Variants in TRIP12 observed in about 807,000 individuals in gnomAD.
TRIP12 encodes thyroid hormone receptor interactor 12, also known as E3 ubiquitin-protein ligase TRIP12.
A neutral mutation model predicts 244.2 loss-of-function variants in TRIP12; 25 were observed. The observed-to-expected ratio is 0.10, with a 90% CI of 0.07 to 0.14. TRIP12 has a LOEUF of 0.14. Ranked by LOEUF, TRIP12 falls within the 10% of genes least tolerant of loss-of-function variation. The probability of loss-of-function intolerance (pLI) is 1.00; values close to 1 mark genes in which losing one functional copy is unlikely to be tolerated. For synonymous variants in TRIP12, 905 were observed against 873.1 expected (o/e 1.04, Z -0.64); for missense variants, 1,677 against 2,486.4 (o/e 0.67, Z 6.92).
intron 33 of TRIP12, 89 bp from the exon 34 acceptor site, chr2:229,785,944 C>G (rs2039871492): frequency 8.3e-7 from 1 of 1,198,254 alleles, no homozygotes; most frequent in Admixed American, 2.5e-5. Flanking sequence ...TGCAAAAGAA[C>G]AAGATCAACT....
At chr2:229,787,714 TAA>T in intron 32 of TRIP12, 53 bp from the exon 33 acceptor site, 1 of 1,328,194 alleles carries the variant, frequency 7.5e-7, no homozygotes, top group Non-Finnish European at 1.0e-6. Flanking sequence ...CAGAAACTAC[TAA>T]AAAAAAAATC....
Position 229,803,709 on chromosome 2 carries a change from GT to G in TRIP12, c.2880-21del. The G allele has an allele frequency of 6.5e-7, 1 of 1,548,098 alleles. No individual in the cohort carries two copies. The highest frequency in any genetic ancestry group is 1.4e-5 in the African/African-American group (1 of 72,520). On this transcript the variant is annotated intron_variant, in intron 19 of 41. Transcript: ENST00000675903. The stretch of plus-strand genomic sequence containing the variant: ...ATGTGACTAAAAAAAGAAAGCATTT[GT>G]ATATAAAACTCTGCCTGAATTTGAT...
chr2:229,769,416 A>T (rs2033278877), intron 39 of TRIP12, 91 bp from the exon 40 acceptor site: 1 of 1,137,846 alleles, frequency 8.8e-7, no homozygotes, highest in Non-Finnish European at 1.3e-6. Flanking sequence ...ATAAAAGAGT[A>T]TCAGTCTCAG....
chr2:229,770,063 T>G (rs1170889714), intron 39 of TRIP12, among the ~76,000 whole-genome samples: 1 of 152,166 alleles, frequency 6.6e-6, no homozygotes, highest in African/African-American at 2.4e-5. Flanking sequence ...CATGATCTCC[T>G]GGGCTCAAGT....
chr2:229,813,370 A>C (rs1052091450), intron 13 of TRIP12, among the ~76,000 whole-genome samples: 1 of 152,242 alleles, frequency 6.6e-6, no homozygotes, highest in Admixed American at 6.5e-5. Flanking sequence ...CATTTGAATA[A>C]ATCTACCAAA....
At chr2:229,772,883 C>A (rs2034933830) in intron 38 of TRIP12, among the ~76,000 whole-genome samples, 1 of 152,112 alleles carries the variant, frequency 6.6e-6, no homozygotes, top group East Asian at 1.9e-4. Flanking sequence ...AAGGTCAGTT[C>A]AAGGGGTAGA....
chr2:229,905,340 C>T (rs1577009404), intron 1 of TRIP12, among the ~76,000 whole-genome samples: 1 of 150,698 alleles, frequency 6.6e-6, no homozygotes, highest in East Asian at 1.9e-4. Flanking sequence ...TAATAGGAGT[C>T]ATTACTAAGT....
intron 24 of TRIP12, among the ~76,000 whole-genome samples, chr2:229,797,244 T>A (rs1402782608): frequency 6.6e-6 from 1 of 151,518 alleles, no homozygotes; most frequent in Non-Finnish European, 1.5e-5. Flanking sequence ...AATAAATAAA[T>A]AAAAATAAAA....
intron 34 of TRIP12, among the ~76,000 whole-genome samples, chr2:229,783,819 A>C (rs1193831336): frequency 6.6e-6 from 1 of 151,640 alleles, no homozygotes; most frequent in Non-Finnish European, 1.5e-5. Flanking sequence ...TTAAAAAAAA[A>C]AAAAAAAAAG....
At chr2:229,814,421 A>T in intron 11 of TRIP12, 96 bp from the exon 12 acceptor site, 1 of 1,154,274 alleles carries the variant, frequency 8.7e-7, no homozygotes, top group Non-Finnish European at 1.3e-6. Flanking sequence ...ATCCATGTAT[A>T]CTATCTCTAA....
Position 229,859,001 on chromosome 2 carries a change from T to C in TRIP12, c.798A>G (p.Gln266=). 1 of 1,614,180 alleles carries C rather than the reference T, an allele frequency of 6.2e-7. No individual in the cohort carries two copies. The highest frequency in any genetic ancestry group is 8.5e-7 in the Non-Finnish European group (1 of 1,180,042). Reference sequence around the variant, plus strand: ...GCCTGGCCTTGTTCTGATCTTTTCCTTGTTTCACTCTGGCACCTGGTGGTA... The same window carrying C: ...GCCTGGCCTTGTTCTGATCTTTTCCCTGTTTCACTCTGGCACCTGGTGGTA... ...STVPPGARVK[Q]GKDQNKARRS... The change falls in exon 4 of 42, where the codon CAA becomes CAG. Residue 266 remains glutamine (Q), a synonymous_variant. Transcript: ENST00000675903.
At chr2:229,872,292 G>A (rs2062792905) in intron 2 of TRIP12, among the ~76,000 whole-genome samples, 1 of 151,206 alleles carries the variant, frequency 6.6e-6, no homozygotes, top group Non-Finnish European at 1.5e-5. Context: ...GTCTGGGTGT[G>A]GTGGCTCATG....
chr2:229,873,663 GTTT>G, intron 2 of TRIP12, among the ~76,000 whole-genome samples: 1 of 152,146 alleles, frequency 6.6e-6, no homozygotes, highest in Admixed American at 6.5e-5. Flanking sequence ...CTTTGAAATA[GTTT>G]TTTTAAGTGA....
intron 26 of TRIP12, among the ~76,000 whole-genome samples, chr2:229,794,359 G>A (rs879538949): frequency 1.3e-5 from 2 of 152,144 alleles, no homozygotes; most frequent in Non-Finnish European, 2.9e-5. Context: ...TTGGGCCCAA[G>A]AGTTTGAGAC....
intron 2 of TRIP12, among the ~76,000 whole-genome samples, chr2:229,873,480 C>T (rs2063049643): frequency 6.6e-6 from 1 of 152,000 alleles, no homozygotes; most frequent in Admixed American, 6.6e-5. Flanking sequence ...AAATGATTAC[C>T]AAAAGATCAC....
chr2:229,767,707 C>T lies in TRIP12; in HGVS notation c.6051G>A (p.Thr2017=), dbSNP rs375574630. The change falls in exon 42 of 42, where the codon ACG becomes ACA. Residue 2017 remains threonine, a synonymous_variant. Coordinates refer to ENST00000675903, the MANE Select transcript of TRIP12 (RefSeq NM_001348323.3). ...CATCTGGGTTTTCTGTTGATTCAAACGTCTTTCGGACAATTGTCAAAGGTG... is the reference window on the plus strand; with the variant it reads ...CATCTGGGTTTTCTGTTGATTCAAATGTCTTTCGGACAATTGTCAAAGGTG... ...LNPPLTIVRK[T]FESTENPDDF... 1.8e-5 allele frequency: 29 copies of T among 1,613,732 alleles called. No individual in the cohort carries two copies. The highest frequency in any genetic ancestry group is 1.6e-4 in the East Asian group (7 of 44,866).
intron 34 of TRIP12, among the ~76,000 whole-genome samples, chr2:229,784,550 T>G (rs986286051): frequency 2.1e-5 from 3 of 145,272 alleles, no homozygotes; most frequent in African/African-American, 7.5e-5. Flanking sequence ...TCATCAAAAC[T>G]GAAAATTTCT....
chr2:229,854,832 T>C (rs2059318152), intron 4 of TRIP12, among the ~76,000 whole-genome samples: 1 of 152,248 alleles, frequency 6.6e-6, no homozygotes, highest in South Asian at 2.1e-4. Context: ...CCTATCATTC[T>C]GTCCTCAAGG....
At position 229,764,363 on chromosome 2, in the gene TRIP12, T is replaced by A. The variant is rs1468531399; in HGVS notation, c.*3191A>T. On this transcript the variant is annotated 3_prime_UTR_variant, in exon 42 of 42. Transcript: ENST00000675903. ...GACATTTCCAAACAATTATTCTCAT[T>A]ACAGCAGGGAAAACAAAATGGATCA... 1 of 152,204 alleles carries A rather than the reference T, an allele frequency of 6.6e-6. No homozygotes were observed. Among genetic ancestry groups the A allele is most frequent in the Non-Finnish European group, 1.5e-5 (1 of 68,038 alleles). 9.4% of individuals were successfully genotyped at this position (152,204 alleles called of 1,614,324 possible).
Sources: gnomAD v4.1 joint callset for allele counts (sites outside exome capture counted in the v4.1 genomes callset) on GRCh38, gnomAD v4.1.1 for gene constraint, MANE v1.5 for transcripts, NCBI Gene and HGNC (gene_info 2026-07-23, HGNC 2026-07-21) for gene names.